Variants in ERICH3 observed in about 807,000 individuals in gnomAD.
The protein encoded by ERICH3 is glutamate-rich protein 3.
A neutral mutation model predicts 131.1 loss-of-function variants in ERICH3; 126 were observed. That is an observed-to-expected ratio of 0.96 (90% CI 0.83 to 1.11). The LOEUF (loss-of-function observed/expected upper bound fraction) is 1.11. Among genes scored for constraint, ERICH3 ranks in the 50% most tolerant of loss-of-function variants. The pLI, the probability that ERICH3 is intolerant of heterozygous loss-of-function variation, is 0.00. For synonymous variants in ERICH3, 695 were observed against 644.6 expected (o/e 1.08, Z -1.18); for missense variants, 2,050 against 1,810.7 (o/e 1.13, Z -2.40).
intron 1 of ERICH3, among the ~76,000 whole-genome samples, chr1:74,660,700 G>A (rs1181858529): frequency 6.7e-6 from 1 of 148,370 alleles, no homozygotes; most frequent in Admixed American, 6.7e-5. Flanking sequence ...TATATATTAT[G>A]TGTGTATATA....
At chr1:74,580,702 C>T (rs575758037) in intron 12 of ERICH3, among the ~76,000 whole-genome samples, 2 of 152,252 alleles carry the variant, frequency 1.3e-5, no homozygotes, top group South Asian at 4.1e-4. Context: ...GTACATTCTT[C>T]TGTTATGATG....
rs553130491 is a variant in ERICH3, at chr1:74,624,145, C to A, written c.820-3231G>T. 2.6e-5 allele frequency: 4 copies of A among 152,166 alleles called. No individual in the cohort carries two copies. In the South Asian group the frequency reaches 8.3e-4, roughly 32 times the overall value. 9.4% of individuals were successfully genotyped at this position (152,166 alleles called of 1,614,324 possible). The stretch of plus-strand genomic sequence containing the variant: ...CTGTCCTTTCCATATTCTGATAAAG[C>A]TACAGTAGGTTGGTTCTACCCTATA... On this transcript the variant is annotated intron_variant, in intron 7 of 14. Coordinates refer to ENST00000326665, the MANE Select transcript of ERICH3 (RefSeq NM_001002912.5).
At chr1:74,638,866 C>T (rs1646414035) in intron 5 of ERICH3, among the ~76,000 whole-genome samples, 1 of 152,140 alleles carries the variant, frequency 6.6e-6, no homozygotes, top group African/African-American at 2.4e-5. Context: ...AGATCAGCAA[C>T]ACAAAGGGAG....
At chr1:74,595,234 C>T (rs59764270) in intron 11 of ERICH3, among the ~76,000 whole-genome samples, 2 of 152,200 alleles carry the variant, frequency 1.3e-5, no homozygotes, top group South Asian at 4.1e-4. Flanking sequence ...CAATCAATAT[C>T]TTCATGTACA....
chr1:74,667,934 G>A (rs539954022), intron 1 of ERICH3, among the ~76,000 whole-genome samples: 1 of 152,270 alleles, frequency 6.6e-6, no homozygotes, highest in South Asian at 2.1e-4. Context: ...TTGTGACAGT[G>A]AGGGAATTCT....
At chr1:74,577,838 T>C (rs1647096268) in intron 12 of ERICH3, among the ~76,000 whole-genome samples, 1 of 152,190 alleles carries the variant, frequency 6.6e-6, no homozygotes, top group South Asian at 2.1e-4. Context: ...GTGCTATGGC[T>C]TTTATGACAC....
At chr1:74,665,411 C>A (rs1425235696) in intron 1 of ERICH3, among the ~76,000 whole-genome samples, 1 of 152,162 alleles carries the variant, frequency 6.6e-6, no homozygotes, top group Non-Finnish European at 1.5e-5. Flanking sequence ...ATCAATCAAT[C>A]ATTTATTTTA....
chr1:74,673,560 G>A lies in ERICH3; in HGVS notation c.-41C>T, dbSNP rs202111662. The A allele has an allele frequency of 9.0e-5, 144 of 1,605,670 alleles. No individual in the cohort carries two copies. Among genetic ancestry groups the A allele is most frequent in the Non-Finnish European group, 1.2e-4 (140 of 1,176,532 alleles). On this transcript the variant is annotated 5_prime_UTR_variant, in exon 1 of 15. Coordinates refer to ENST00000326665, the MANE Select transcript of ERICH3 (RefSeq NM_001002912.5). ...TTTGGACCCCGCGGCAGGTGCGGAGGGTGGGTGCGTGGGGCCCCGTGCGCG... is the reference window on the plus strand; with the variant it reads ...TTTGGACCCCGCGGCAGGTGCGGAGAGTGGGTGCGTGGGGCCCCGTGCGCG...
At chr1:74,658,643 CTG>C (rs1182418708) in intron 1 of ERICH3, among the ~76,000 whole-genome samples, 1 of 151,838 alleles carries the variant, frequency 6.6e-6, no homozygotes, top group East Asian at 1.9e-4. Context: ...ATCCAAATGT[CTG>C]TCATTTTTTT....
At chr1:74,609,737 CA>C (rs1046481083) in intron 9 of ERICH3, among the ~76,000 whole-genome samples, 4 of 151,162 alleles carry the variant, frequency 2.6e-5, no homozygotes, top group East Asian at 1.9e-4. Flanking sequence ...ATGAAGTTAA[CA>C]AAAAAAAATT....
chr1:74,591,799 T>C (rs1243094485), intron 11 of ERICH3: 3 of 152,152 alleles, frequency 2.0e-5, no homozygotes, highest in African/African-American at 4.8e-5. Flanking sequence ...TTCTAACCAA[T>C]AGGTCTAGGT....
intron 11 of ERICH3, among the ~76,000 whole-genome samples, chr1:74,596,989 G>A (rs1647882064): frequency 6.6e-6 from 1 of 152,044 alleles, no homozygotes; most frequent in Middle Eastern, 3.2e-3. Flanking sequence ...CTGGGAACAG[G>A]TGTAGGCAGG....
intron 11 of ERICH3, among the ~76,000 whole-genome samples, chr1:74,596,132 T>G (rs1570840994): frequency 1.3e-5 from 2 of 152,228 alleles, no homozygotes; most frequent in East Asian, 3.9e-4. Flanking sequence ...TTTAAAAGTT[T>G]ATAAGATTTA....
intron 6 of ERICH3, among the ~76,000 whole-genome samples, chr1:74,632,539 TG>T (rs1646350018): frequency 6.6e-6 from 1 of 151,776 alleles, no homozygotes; most frequent in Non-Finnish European, 1.5e-5. Context: ...AATATAAATG[TG>T]TATAAGGATA....
intron 11 of ERICH3, chr1:74,592,272 TA>T (rs2100565671): frequency 6.6e-6 from 1 of 152,290 alleles, no homozygotes; most frequent in Non-Finnish European, 1.5e-5. Flanking sequence ...CTCCATTTTA[TA>T]AAATCTGGAT....
chr1:74,651,460 C>T (rs762584786), intron 1 of ERICH3, among the ~76,000 whole-genome samples: 5 of 152,118 alleles, frequency 3.3e-5, no homozygotes, highest in Non-Finnish European at 7.4e-5. Context: ...TTGAAACCAT[C>T]TTTTAAATGA....
At chr1:74,662,747 C>G (rs531105615) in intron 1 of ERICH3, among the ~76,000 whole-genome samples, 1 of 151,518 alleles carries the variant, frequency 6.6e-6, no homozygotes, top group East Asian at 1.9e-4. Context: ...GAACATGTCA[C>G]CTAAATAGGT....
intron 11 of ERICH3, among the ~76,000 whole-genome samples, chr1:74,592,415 A>C (rs1196579810): frequency 6.6e-6 from 1 of 152,184 alleles, no homozygotes; most frequent in Admixed American, 6.6e-5. Context: ...TCTTTAAAAA[A>C]AGAACATCAG....
intron 1 of ERICH3, among the ~76,000 whole-genome samples, chr1:74,673,205 G>A (rs896859342): frequency 5.3e-5 from 8 of 152,138 alleles, no homozygotes; most frequent in African/African-American, 1.9e-4. Flanking sequence ...TCCCAGCGAA[G>A]GTCCTTGCTT....
Sources: allele counts gnomAD v4.1 joint callset (sites outside exome capture counted in the v4.1 genomes callset), GRCh38; gene constraint gnomAD v4.1.1; transcripts MANE v1.5; gene names NCBI Gene and HGNC (gene_info 2026-07-23, HGNC 2026-07-21).